SWAP70: variants seen among roughly 807,000 people sequenced by gnomAD.
The protein encoded by SWAP70 is switch-associated protein 70.
Under a neutral mutation model 80.2 loss-of-function variants are expected in SWAP70, and 34 were observed. That is an observed-to-expected ratio of 0.42 (90% CI 0.32 to 0.56). The LOEUF (loss-of-function observed/expected upper bound fraction) is 0.56. Ranked by LOEUF, SWAP70 falls within the 20% of genes least tolerant of loss-of-function variation. SWAP70 has a pLI of 0.09. For synonymous variants in SWAP70, 239 were observed against 238.5 expected (o/e 1.00, Z -0.02); for missense variants, 578 against 690.7 (o/e 0.84, Z 1.83).
intron 1 of SWAP70, among the ~76,000 whole-genome samples, chr11:9,675,631 C>T (rs371193389): frequency 6.6e-6 from 1 of 152,096 alleles, no homozygotes; most frequent in African/African-American, 2.4e-5. Context: ...TTTCTCGAAT[C>T]TTTAAGCCCT....
At chr11:9,742,783 A>G (rs1851457356) in intron 9 of SWAP70, among the ~76,000 whole-genome samples, 1 of 151,892 alleles carries the variant, frequency 6.6e-6, no homozygotes, top group Non-Finnish European at 1.5e-5. Context: ...AATCAAGGGA[A>G]GTCATCCTGG....
intron 7 of SWAP70, among the ~76,000 whole-genome samples, chr11:9,734,839 A>C (rs899605684): frequency 6.6e-6 from 1 of 152,036 alleles, no homozygotes; most frequent in African/African-American, 2.4e-5. Flanking sequence ...TGCCCAGGCT[A>C]GTCTCAAACT....
At chr11:9,706,892 A>AT (rs532366625) in intron 2 of SWAP70, among the ~76,000 whole-genome samples, 340 of 151,644 alleles carry the variant, frequency 2.2e-3, no homozygotes, top group African/African-American at 7.8e-3. Context: ...ACTTTGCAGC[A>AT]TTTTTTTCCT....
At chr11:9,673,793 T>A (rs1258621152) in intron 1 of SWAP70, among the ~76,000 whole-genome samples, 1 of 152,194 alleles carries the variant, frequency 6.6e-6, no homozygotes, top group African/African-American at 2.4e-5. Flanking sequence ...ATATTTTTAG[T>A]TTCTACGGCC....
intron 2 of SWAP70, 79 bp from the exon 3 acceptor site, chr11:9,713,387 T>G: frequency 1.4e-6 from 2 of 1,407,780 alleles, no homozygotes; most frequent in Non-Finnish European, 1.9e-6. Flanking sequence ...CAAAGGAGGC[T>G]TTGTCTTTCT....
intron 1 of SWAP70, among the ~76,000 whole-genome samples, chr11:9,679,124 C>T (rs943615198): frequency 1.3e-5 from 2 of 152,010 alleles, no homozygotes; most frequent in African/African-American, 2.4e-5. Flanking sequence ...GGAGATCTTG[C>T]GGTTAAGGAG....
At chr11:9,703,730 G>A (rs939533613) in intron 2 of SWAP70, among the ~76,000 whole-genome samples, 2 of 152,168 alleles carry the variant, frequency 1.3e-5, no homozygotes, top group Non-Finnish European at 1.5e-5. Flanking sequence ...TCTTAGCATA[G>A]TAACTGGTAC....
intron 1 of SWAP70, among the ~76,000 whole-genome samples, chr11:9,686,133 A>G (rs918450830): frequency 6.6e-6 from 1 of 151,910 alleles, no homozygotes; most frequent in East Asian, 1.9e-4. Context: ...AATGTATTAA[A>G]GTACAGAGTC....
chr11:9,750,030 C>CT lies in SWAP70; in HGVS notation c.*61dup. ...TACTGCATGGCAGGAGAGCTTTACG[C>CT]TAAAGACAAAAGAAACAGCTTTGGG... On this transcript the variant is annotated 3_prime_UTR_variant, in exon 12 of 12. Coordinates refer to ENST00000318950, the MANE Select transcript of SWAP70 (RefSeq NM_015055.4). 12 of 1,240,442 alleles carry CT rather than the reference C, an allele frequency of 9.7e-6. 1 individual carries two copies. In the East Asian group the frequency reaches 2.8e-4, roughly 29 times the overall value. The allele number at this position is 1,240,442 out of a possible 1,614,324, so 76.8% of individuals were successfully genotyped here.
At chr11:9,727,451 C>T (rs984373868) in intron 4 of SWAP70, among the ~76,000 whole-genome samples, 3 of 152,190 alleles carry the variant, frequency 2.0e-5, no homozygotes, top group African/African-American at 7.2e-5. Context: ...TCTTGAACTC[C>T]TGGCCTCAAG....
rs569962404 is a variant in SWAP70, at chr11:9,673,750, C to A, written c.99+9472C>A. On this transcript the variant is annotated intron_variant, in intron 1 of 11. Transcript: ENST00000318950. ...GGTCAGAGAATTTCTTTATGGCCAG[C>A]TCCAAGATAGAAAGGTTGGGGGAGA... 3.9e-5 allele frequency among the ~76,000 whole-genome samples: 6 copies of A among 152,064 alleles called. No individual in the cohort carries two copies. In the South Asian group the frequency reaches 1.3e-3, roughly 32 times the overall value.
intron 2 of SWAP70, among the ~76,000 whole-genome samples, chr11:9,697,728 C>G (rs1021504402): frequency 1.3e-5 from 2 of 152,164 alleles, no homozygotes; most frequent in African/African-American, 4.8e-5. Flanking sequence ...CCTGATCTTT[C>G]TTTGTGTGTA....
intron 3 of SWAP70, among the ~76,000 whole-genome samples, chr11:9,720,877 G>C (rs1259048056): frequency 1.3e-5 from 2 of 151,970 alleles, no homozygotes; most frequent in African/African-American, 4.8e-5. Flanking sequence ...GCACAGTGGC[G>C]CGATCTTGGC....
intron 2 of SWAP70, among the ~76,000 whole-genome samples, chr11:9,696,129 C>G (rs758455490): frequency 2.9e-4 from 44 of 152,086 alleles, no homozygotes; most frequent in Admixed American, 5.2e-4. Context: ...TTCAGGGTAC[C>G]ACTTAGATAT....
rs777428904 is a variant in SWAP70, at chr11:9,749,988, C to T, written c.*18C>T. The T allele has an allele frequency of 1.9e-6, 3 of 1,538,878 alleles. No individual in the cohort carries two copies. The highest frequency in any genetic ancestry group is 2.2e-5 in the East Asian group (1 of 44,498). ...CGGAGTGACTGAGCTTGCTGGCAGT[C>T]ACGTCAGTTATGTAGATACTGCATG... On this transcript the variant is annotated 3_prime_UTR_variant, in exon 12 of 12. Transcript: ENST00000318950.
Position 9,725,561 on chromosome 11 carries a change from A to G in SWAP70, c.642+676A>G, listed in dbSNP as rs1393478811. Among the ~76,000 whole-genome samples, 4 of 16,122 alleles carry G rather than the reference A, an allele frequency of 2.5e-4. 1 individual carries two copies. The highest frequency in any genetic ancestry group is 1.1e-3 in the African/African-American group (4 of 3,504). 10.6% of individuals were successfully genotyped at this position (16,122 alleles called of 152,430 possible). ...TATATATATATATATATATATATAT[A>G]TATATATATTTTTTTTTTTTTTTTT... On this transcript the variant is annotated intron_variant, in intron 4 of 11. Transcript: ENST00000318950.
intron 5 of SWAP70, 23 bp from the exon 6 acceptor site, chr11:9,729,320 A>G (rs1280222831): frequency 1.4e-6 from 2 of 1,468,532 alleles, no homozygotes; most frequent in Non-Finnish European, 1.9e-6. Context: ...ATTTTGAGGA[A>G]CTAATTTTGC....
rs181387891 is a variant in SWAP70 at position 9,738,331 on chromosome 11, C to G, written c.1188+11C>G. ...GAAAGAGAGAAGCTTGTGAGTATCA[C>G]ATGGCTGGAGAAAGCAGCTGCAGTA... On this transcript the variant is annotated intron_variant, in intron 8 of 11. Coordinates refer to ENST00000318950, the MANE Select transcript of SWAP70 (RefSeq NM_015055.4). The G allele has an allele frequency of 3.3e-5, 52 of 1,574,290 alleles. No homozygotes were observed. Among genetic ancestry groups the G allele is most frequent in the Admixed American group, 1.1e-4 (6 of 54,052 alleles).
chr11:9,718,472 T>G (rs1323866639), intron 3 of SWAP70, among the ~76,000 whole-genome samples: 1 of 152,226 alleles, frequency 6.6e-6, no homozygotes, highest in East Asian at 1.9e-4. Flanking sequence ...CACTGCAAAC[T>G]CAAGGTTATG....
Sources: gnomAD v4.1 joint callset for allele counts (sites outside exome capture counted in the v4.1 genomes callset) on GRCh38, gnomAD v4.1.1 for gene constraint, MANE v1.5 for transcripts, NCBI Gene and HGNC (gene_info 2026-07-23, HGNC 2026-07-21) for gene names.